The following ELOVL5 variants were observed in gnomAD, a reference collection of about 807,000 sequenced individuals.
ELOVL5 encodes ELOVL fatty acid elongase 5, also known as very long chain fatty acid elongase 5.
In ELOVL5, 8 loss-of-function variants were observed where a neutral mutation model predicts 38.6. That is an observed-to-expected ratio of 0.21 (90% confidence interval 0.12 to 0.37). The LOEUF is 0.37. Ranked by LOEUF, ELOVL5 falls within the 10% of genes least tolerant of loss-of-function variation. ELOVL5 has a pLI of 1.00. For synonymous variants in ELOVL5, 127 were observed against 133.7 expected (o/e 0.95, Z 0.34); for missense variants, 280 against 367.8 (o/e 0.76, Z 1.95).
At chr6:53,328,466 T>C (rs1035694573) in intron 1 of ELOVL5, among the ~76,000 whole-genome samples, 3 of 152,178 alleles carry the variant, frequency 2.0e-5, no homozygotes, top group Non-Finnish European at 2.9e-5. Context: ...GTCCCCAAAG[T>C]AGAGCTCTAG....
At chr6:53,321,580 C>A (rs1768306143) in intron 1 of ELOVL5, among the ~76,000 whole-genome samples, 2 of 152,112 alleles carry the variant, frequency 1.3e-5, no homozygotes, top group Non-Finnish European at 1.5e-5. Context: ...TTGAAAAATT[C>A]CTTTTCAAAA....
chr6:53,279,251 G>GT (rs1216219062), intron 3 of ELOVL5, among the ~76,000 whole-genome samples: 1 of 152,108 alleles, frequency 6.6e-6, no homozygotes, highest in Admixed American at 6.5e-5. Context: ...AGTGACCACT[G>GT]TTTTATTCTT....
At chr6:53,320,398 G>C (rs185126417) in intron 1 of ELOVL5, among the ~76,000 whole-genome samples, 3 of 151,708 alleles carry the variant, frequency 2.0e-5, no homozygotes, top group Admixed American at 2.0e-4. Flanking sequence ...GTGCAGTGGC[G>C]CGATCTCGGC....
intron 2 of ELOVL5, chr6:53,294,323 T>C: frequency 3.2e-6 from 5 of 1,575,640 alleles, no homozygotes; most frequent in Non-Finnish European, 4.3e-6. Flanking sequence ...CAGTGAGTTT[T>C]GAGGGATGAC....
At chr6:53,296,120 G>C (rs1335462896) in intron 1 of ELOVL5, among the ~76,000 whole-genome samples, 2 of 151,964 alleles carry the variant, frequency 1.3e-5, no homozygotes, top group Non-Finnish European at 2.9e-5. Context: ...GAATGCCACA[G>C]TGACAAGACA....
In ELOVL5 at chr6:53,275,165, C is replaced by T; in HGVS notation, c.421G>A (p.Val141Ile). The T allele has an allele frequency of 3.1e-6, 5 of 1,614,118 alleles. No individual in the cohort carries two copies. Among genetic ancestry groups the T allele is most frequent in the Non-Finnish European group, 4.2e-6 (5 of 1,180,018 alleles). Residue 141 changes from valine to isoleucine, a missense_variant, in exon 5 of 8, where the codon GTC (valine) becomes ATC (isoleucine). Physicochemically the swap from Val to Ile is conservative, Grantham distance 29. Around this residue, in one of 3 missense-constraint regions of ELOVL5, gnomAD observed 150 missense variants for 178.0 expected, o/e 0.84. Coordinates refer to ENST00000304434, the MANE Select transcript of ELOVL5 (RefSeq NM_021814.5). ...GAGGCATGGTGGTAGACGTGCAGGA[C>T]CGTGATCTGGTGGTTGTTCTTGCGC... ...ILRKNNHQIT[V>I]LHVYHHASML... is the part of the protein sequence containing the mutation.
Position 53,305,608 on chromosome 6 carries a change from C to T in ELOVL5, c.-8-9901G>A, listed in dbSNP as rs539298142. Among the ~76,000 whole-genome samples, 661 of 150,840 alleles carry T rather than the reference C, an allele frequency of 4.4e-3. 6 individuals carry two copies. The highest frequency in any genetic ancestry group is 0.016 in the African/African-American group (636 of 40,918). On this transcript the variant is annotated intron_variant, in intron 1 of 7. Coordinates refer to ENST00000304434, the MANE Select transcript of ELOVL5 (RefSeq NM_021814.5). ...CGCTCCCCACATCTCAGACGATGGG[C>T]GGCCGGGCAGAGACGCTCCTCACTT...
At chr6:53,343,836 A>G (rs1470629992) in intron 1 of ELOVL5, among the ~76,000 whole-genome samples, 3 of 152,216 alleles carry the variant, frequency 2.0e-5, no homozygotes, top group Non-Finnish European at 4.4e-5. Flanking sequence ...GTGAAGCTAC[A>G]TGTGTTTTAA....
At chr6:53,294,031 C>T (rs367641417) in intron 2 of ELOVL5, 2 of 1,132,538 alleles carry the variant, frequency 1.8e-6, no homozygotes, top group East Asian at 6.3e-5. Flanking sequence ...TAACATCAGA[C>T]TGTTATTTTG....
Position 53,291,927 on chromosome 6 carries a change from T to C in ELOVL5, c.95A>G (p.Tyr32Cys). Reference protein sequence around the residue: ...RVKGWFLLDNYIPTFICSVIY... With the variant: ...RVKGWFLLDNCIPTFICSVIY... ...GACAGAGCAGATAAATGTGGGTATA[T>C]AATTGTCCAGAAGAAACCATCCTTT... is the stretch of plus-strand genomic sequence containing the variant. Residue 32 changes from tyrosine to cysteine, a missense_variant, in exon 3 of 8, where the codon TAT becomes TGT. Transcript: ENST00000304434. The C allele has an allele frequency of 1.2e-6, 2 of 1,603,642 alleles. No individual in the cohort carries two copies. Among genetic ancestry groups the C allele is most frequent in the East Asian group, 2.2e-5 (1 of 44,650 alleles).
At chr6:53,306,192 T>G (rs1336902154) in intron 1 of ELOVL5, among the ~76,000 whole-genome samples, 3 of 118,462 alleles carry the variant, frequency 2.5e-5, no homozygotes, top group African/African-American at 6.5e-5. Context: ...AGGGAGACCG[T>G]GGAAAGGGGA....
intron 1 of ELOVL5, among the ~76,000 whole-genome samples, chr6:53,299,848 C>T (rs949071812): frequency 3.9e-5 from 6 of 152,130 alleles, no homozygotes; most frequent in Non-Finnish European, 5.9e-5. Flanking sequence ...CATTTCTTCT[C>T]GGCTTGAGAA....
At chr6:53,344,441 T>C (rs2127596004) in intron 1 of ELOVL5, among the ~76,000 whole-genome samples, 1 of 152,280 alleles carries the variant, frequency 6.6e-6, no homozygotes, top group South Asian at 2.1e-4. Context: ...AACAAGACTG[T>C]CTTTCTGGAG....
chr6:53,332,161 T>C (rs1385779916), intron 1 of ELOVL5, among the ~76,000 whole-genome samples: 1 of 152,100 alleles, frequency 6.6e-6, no homozygotes. Context: ...TCACATGAGA[T>C]TTGGAGGGGA....
chr6:53,341,492 T>C (rs1178176786), intron 1 of ELOVL5, among the ~76,000 whole-genome samples: 1 of 152,206 alleles, frequency 6.6e-6, no homozygotes, highest in African/African-American at 2.4e-5. Flanking sequence ...GCTGTGGATA[T>C]TTGGACAAGT....
At chr6:53,348,705 G>C (rs1769694131) in intron 1 of ELOVL5, 112 bp downstream of exon 1, 1 of 392,978 alleles carries the variant, frequency 2.5e-6, no homozygotes, top group Non-Finnish European at 5.0e-6. Flanking sequence ...CTCGGCACCA[G>C]GTCCGAGACC....
rs79608524 is a variant in ELOVL5, at chr6:53,324,991, G to T, written c.-9+23826C>A. On this transcript the variant is annotated intron_variant, in intron 1 of 7. Transcript: ENST00000304434. The stretch of plus-strand genomic sequence containing the variant: ...GCGGACAGATTAACCGGAAGCCAAA[G>T]ACTTTTTTTCTGGACACTGATAACC... Among the ~76,000 whole-genome samples the T allele has an allele frequency of 3.6e-4, 55 of 152,264 alleles. 1 individual carries two copies. The East Asian group carries it at 9.1e-3, about 25-fold the overall frequency.
At chr6:53,335,542 G>A (rs1366361746) in intron 1 of ELOVL5, among the ~76,000 whole-genome samples, 2 of 150,490 alleles carry the variant, frequency 1.3e-5, no homozygotes, top group Non-Finnish European at 2.9e-5. Context: ...CTGTTTACTC[G>A]CAGGGCACAC....
At chr6:53,306,934 G>A (rs757681683) in intron 1 of ELOVL5, among the ~76,000 whole-genome samples, 1 of 152,150 alleles carries the variant, frequency 6.6e-6, no homozygotes, top group Non-Finnish European at 1.5e-5. Flanking sequence ...ATAGAACTTT[G>A]CTGACAGTAA....
Sources: allele counts gnomAD v4.1 joint callset (sites outside exome capture counted in the v4.1 genomes callset), GRCh38; gene constraint gnomAD v4.1.1; regional missense constraint gnomAD v4.1.1; transcripts MANE v1.5; gene names NCBI Gene and HGNC (gene_info 2026-07-23, HGNC 2026-07-21).